Variants in TRERF1 observed in about 807,000 individuals in gnomAD.
TRERF1 encodes transcriptional regulating factor 1.
A neutral mutation model predicts 122.9 loss-of-function variants in TRERF1; 27 were observed. That is an observed-to-expected ratio of 0.22 (90% CI 0.16 to 0.30). TRERF1 has a LOEUF of 0.30. TRERF1 is among the 10% of genes least tolerant of loss of function. The pLI is 1.00. For missense variants in TRERF1, 1,248 were observed against 1,560.3 expected, an observed-to-expected ratio of 0.80 and a Z score of 3.37; for synonymous variants, 636 against 641.7, an observed-to-expected ratio of 0.99 and a Z score of 0.13.
rs1787275876 is a variant in TRERF1 at position 42,445,305 on chromosome 6, A to G, written c.-454+5872T>C. Among the ~76,000 whole-genome samples, 5 of 151,130 alleles carry G rather than the reference A, an allele frequency of 3.3e-5. No individual in the cohort carries two copies. The South Asian group carries it at 1.0e-3, about 32-fold the overall frequency. Reference sequence around the variant, plus strand: ...AACAAAAAACGATGAAACAAATCCAATGGTGATTTTTCTGGCCTTATCAGC... The same window carrying G: ...AACAAAAAACGATGAAACAAATCCAGTGGTGATTTTTCTGGCCTTATCAGC... On this transcript the variant is annotated intron_variant, in intron 2 of 17. Coordinates refer to ENST00000372922, the Ensembl canonical transcript of TRERF1.
intron 3 of TRERF1, among the ~76,000 whole-genome samples, chr6:42,320,462 C>T (rs1484478472): frequency 6.6e-6 from 1 of 151,914 alleles, no homozygotes; most frequent in African/African-American, 2.4e-5. Flanking sequence ...TTCATTTATA[C>T]CCTCTCCATT....
At chr6:42,387,206 C>T (rs1328231263) in intron 2 of TRERF1, among the ~76,000 whole-genome samples, 2 of 152,202 alleles carry the variant, frequency 1.3e-5, no homozygotes, top group Non-Finnish European at 2.9e-5. Flanking sequence ...ACCCACTCTG[C>T]CCCAAGAAAT....
At position 42,263,787 on chromosome 6, in the gene TRERF1, C is replaced by A. The variant is rs568493803; in HGVS notation, c.1636-219G>T. ...ATTTTTTACAGTTAAAAATTCTTGA[C>A]CATGCATTACTTGTGTATTAAACTA... On this transcript the variant is annotated intron_variant, in intron 7 of 17. Transcript: ENST00000372922. The surrounding 1 kb of genome is among the most constrained non-coding windows in gnomAD (Gnocchi z 5.6). Among the ~76,000 whole-genome samples, 5 of 152,264 alleles carry A rather than the reference C, an allele frequency of 3.3e-5. No homozygotes were observed. The highest frequency in any genetic ancestry group is 7.4e-5 in the Non-Finnish European group (5 of 68,006).
rs1040300280 is a variant in TRERF1 at position 42,275,799 on chromosome 6, C to T, written c.-258-5951G>A. 6.6e-6 allele frequency among the ~76,000 whole-genome samples: 1 copy of T among 152,184 alleles called. No individual in the cohort carries two copies. The highest frequency in any genetic ancestry group is 2.4e-5 in the African/African-American group (1 of 41,444). ...ACAGAGACCTCCCAGCACACTTTTT[C>T]TATACAGGGCCAGCTAGTAAATATT... On this transcript the variant is annotated intron_variant, in intron 4 of 17. Transcript: ENST00000372922. The surrounding 1 kb of genome is among the most constrained non-coding windows in gnomAD (Gnocchi z 4.1).
chr6:42,402,598 T>C (rs1462433411), intron 2 of TRERF1, among the ~76,000 whole-genome samples: 1 of 152,216 alleles, frequency 6.6e-6, no homozygotes, highest in African/African-American at 2.4e-5. Context: ...TCTTTTGTTA[T>C]TGTTGTTGAT....
chr6:42,349,158 A>C (rs1264940579), intron 3 of TRERF1, among the ~76,000 whole-genome samples: 2 of 152,136 alleles, frequency 1.3e-5, no homozygotes, highest in Admixed American at 6.5e-5. Flanking sequence ...TGAATCTCTC[A>C]ATTTGTCCAA....
At chr6:42,250,557 C>A (rs1775561899) in intron 13 of TRERF1, among the ~76,000 whole-genome samples, 1 of 152,008 alleles carries the variant, frequency 6.6e-6, no homozygotes, top group Non-Finnish European at 1.5e-5. Flanking sequence ...CAGGGTGTTG[C>A]CTCAAATCCT....
intron 2 of TRERF1, among the ~76,000 whole-genome samples, chr6:42,414,879 G>T (rs1416103533): frequency 6.6e-6 from 1 of 152,192 alleles, no homozygotes; most frequent in Non-Finnish European, 1.5e-5. Flanking sequence ...AATGTCCAAT[G>T]AACATTGTAC....
intron 4 of TRERF1, among the ~76,000 whole-genome samples, chr6:42,291,397 T>C (rs73428844): frequency 0.094 from 14,271 of 151,312 alleles, 707 homozygotes; most frequent in East Asian, 0.12. Context: ...TTCAACGCTC[T>C]AGTGTTTAGC....
chr6:42,392,356 G>A (rs530856626), intron 2 of TRERF1, among the ~76,000 whole-genome samples: 3 of 152,268 alleles, frequency 2.0e-5, no homozygotes, highest in African/African-American at 7.2e-5. Flanking sequence ...TTATGTGACT[G>A]GAGTGATCAT....
chr6:42,405,088 G>A (rs572722422), intron 2 of TRERF1, among the ~76,000 whole-genome samples: 6 of 152,198 alleles, frequency 3.9e-5, no homozygotes, highest in South Asian at 4.1e-4. Flanking sequence ...TAATCTTCAC[G>A]GTAACCCTAC....
intron 2 of TRERF1, among the ~76,000 whole-genome samples, chr6:42,408,263 G>A (rs1403724538): frequency 8.9e-6 from 1 of 111,868 alleles, no homozygotes; most frequent in African/African-American, 3.7e-5. Flanking sequence ...ACACATGTGT[G>A]TGTATGTATA....
intron 4 of TRERF1, among the ~76,000 whole-genome samples, chr6:42,274,241 C>A (rs779951030): frequency 6.6e-6 from 1 of 152,114 alleles, no homozygotes; most frequent in Non-Finnish European, 1.5e-5. Flanking sequence ...GTCCGATGCA[C>A]GCTTAAGTTG....
intron 13 of TRERF1, among the ~76,000 whole-genome samples, chr6:42,252,578 G>A (rs778916461): frequency 9.2e-5 from 14 of 152,182 alleles, no homozygotes; most frequent in African/African-American, 1.4e-4. Context: ...CACTACTGGG[G>A]AGCAACCCAA....
chr6:42,436,108 C>A (rs1207310562), intron 2 of TRERF1, among the ~76,000 whole-genome samples: 1 of 152,184 alleles, frequency 6.6e-6, no homozygotes, highest in Non-Finnish European at 1.5e-5. Context: ...GTGGCTCACG[C>A]CTGTAATTCC....
chr6:42,348,280 G>C (rs1408495725), intron 3 of TRERF1, among the ~76,000 whole-genome samples: 1 of 151,694 alleles, frequency 6.6e-6, no homozygotes, highest in Non-Finnish European at 1.5e-5. Flanking sequence ...TTGAGATGGA[G>C]TCTCACTCTG....
chr6:42,357,607 A>C (rs1026253742), intron 3 of TRERF1, among the ~76,000 whole-genome samples: 19 of 152,210 alleles, frequency 1.2e-4, no homozygotes, highest in Admixed American at 3.3e-4. Context: ...GATGAGCATT[A>C]GGATAGTCCT....
intron 2 of TRERF1, among the ~76,000 whole-genome samples, chr6:42,420,482 G>GA (rs1286144906): frequency 2.6e-5 from 4 of 152,080 alleles, no homozygotes; most frequent in Non-Finnish European, 5.9e-5. Context: ...AACTTGCCAG[G>GA]AAGAATTCTT....
chr6:42,331,682 A>C (rs954754451), intron 3 of TRERF1, among the ~76,000 whole-genome samples: 122 of 152,284 alleles, frequency 8.0e-4, no homozygotes, highest in African/African-American at 2.9e-3. Context: ...CTAATTAGCC[A>C]GGGGAGGGCA....
Sources: allele counts gnomAD v4.1 joint callset (sites outside exome capture counted in the v4.1 genomes callset), GRCh38; gene constraint gnomAD v4.1.1; non-coding constraint Gnocchi (gnomAD v3.1); transcripts MANE v1.5; gene names NCBI Gene and HGNC (gene_info 2026-07-23, HGNC 2026-07-21).